The following LARGE1 variants were observed in gnomAD, a reference collection of about 807,000 sequenced individuals.
LARGE1 encodes the protein LARGE xylosyl- and glucuronyltransferase 1.
A neutral mutation model predicts 87.6 loss-of-function variants in LARGE1; 43 were observed. The ratio of observed to expected loss-of-function variants is 0.49; its 90% CI spans 0.38 to 0.63. LARGE1 has a LOEUF of 0.63. Ranked by LOEUF, LARGE1 falls within the 30% of genes least tolerant of loss-of-function variation. The pLI, the probability that LARGE1 is intolerant of heterozygous loss-of-function variation, is 0.00. For missense variants in LARGE1, 802 were observed against 1,000.2 expected, an observed-to-expected ratio of 0.80 and a Z score of 2.67; for synonymous variants, 434 against 394.6, an observed-to-expected ratio of 1.10 and a Z score of -1.18.
chr22:33,795,410 A>T (rs1439174524), intron 1 of LARGE1, among the ~76,000 whole-genome samples: 1 of 152,192 alleles, frequency 6.6e-6, no homozygotes, highest in Non-Finnish European at 1.5e-5. Flanking sequence ...GGATCTATGT[A>T]TAAGAAGTTT....
chr22:33,582,020 C>T (rs2078535558), intron 5 of LARGE1, among the ~76,000 whole-genome samples: 1 of 152,130 alleles, frequency 6.6e-6, no homozygotes, highest in South Asian at 2.1e-4. Context: ...TCAGCACCTG[C>T]CTAGAGCGTG....
At chr22:33,567,271 G>C (rs989545231) in intron 5 of LARGE1, among the ~76,000 whole-genome samples, 1 of 152,148 alleles carries the variant, frequency 6.6e-6, no homozygotes, top group African/African-American at 2.4e-5. Flanking sequence ...TGGTAAAATG[G>C]AGACGATGCC....
At chr22:33,738,734 A>G (rs145515190) in intron 2 of LARGE1, among the ~76,000 whole-genome samples, 1,784 of 152,044 alleles carry the variant, frequency 0.012, 35 homozygotes, top group African/African-American at 0.04. Context: ...AGTCCCAGCT[A>G]CTTGGGAGGC....
intron 1 of LARGE1, among the ~76,000 whole-genome samples, chr22:33,890,639 C>T (rs757472818): frequency 1.3e-5 from 2 of 152,086 alleles, no homozygotes; most frequent in Non-Finnish European, 2.9e-5. Context: ...ATAATGCTGT[C>T]AAGGTTTAAA....
rs1014506273 is a variant in LARGE1, at chr22:33,816,639, G to C, written c.-82-55081C>G. Reference sequence around the variant, plus strand: ...TAGCAGGCAGGCAGGCGGGAGGGCGGGTGGACATACAGACAGACGGATGCA... The same window carrying C: ...TAGCAGGCAGGCAGGCGGGAGGGCGCGTGGACATACAGACAGACGGATGCA... On this transcript the variant is annotated intron_variant, in intron 1 of 14. Transcript: ENST00000397394. Among the ~76,000 whole-genome samples the C allele has an allele frequency of 5.3e-5, 8 of 151,910 alleles. No homozygotes were observed. In the East Asian group the frequency reaches 1.5e-3, roughly 29 times the overall value.
the LARGE1 span, among the ~76,000 whole-genome samples, chr22:33,134,447 C>T: frequency 1.3e-5 from 2 of 152,036 alleles, no homozygotes; most frequent in South Asian, 2.1e-4. Flanking sequence ...TTAGTAGAGA[C>T]GGGATTTCAC....
chr22:33,787,452 A>C (rs1376848180), intron 1 of LARGE1, among the ~76,000 whole-genome samples: 1 of 152,130 alleles, frequency 6.6e-6, no homozygotes, highest in Non-Finnish European at 1.5e-5. Context: ...TCTACATTTG[A>C]CACCTGATAT....
intron 4 of LARGE1, among the ~76,000 whole-genome samples, chr22:33,620,440 T>A (rs2079712242): frequency 6.6e-6 from 1 of 152,116 alleles, no homozygotes; most frequent in Non-Finnish European, 1.5e-5. Flanking sequence ...TCACAGGCAT[T>A]CCCCCCAATT....
intron 5 of LARGE1, chr22:33,572,056 C>T (rs192420420): frequency 4.2e-6 from 2 of 472,196 alleles, no homozygotes; most frequent in African/African-American, 2.1e-5. Flanking sequence ...GTATATCCTG[C>T]TTCCTTCCTA....
In LARGE1 at chr22:33,794,449, G is replaced by A. The variant is rs116801124; in HGVS notation, c.-82-32891C>T. 1.9e-3 allele frequency among the ~76,000 whole-genome samples: 296 copies of A among 152,290 alleles called. 1 individual carries two copies. The highest frequency in any genetic ancestry group is 6.9e-3 in the African/African-American group (285 of 41,560). On this transcript the variant is annotated intron_variant, in intron 1 of 14. Transcript: ENST00000397394. ...AGGAGCAAGAAGGCAGCAAATACCA[G>A]AAGCCAGGCAACTGTCAGGGTGAAG... is the stretch of plus-strand genomic sequence containing the variant.
intron 11 of LARGE1, among the ~76,000 whole-genome samples, chr22:33,250,952 GTTTTC>G (rs1926986042): frequency 6.6e-6 from 1 of 152,178 alleles, no homozygotes; most frequent in African/African-American, 2.4e-5. Context: ...TTGGTCTGTA[GTTTTC>G]TTTTCTTGTA....
At chr22:33,640,129 G>A (rs2080384365) in intron 3 of LARGE1, among the ~76,000 whole-genome samples, 1 of 152,170 alleles carries the variant, frequency 6.6e-6, no homozygotes, top group Non-Finnish European at 1.5e-5. Flanking sequence ...GAACCAAAAA[G>A]CGCTGTGATG....
intron 1 of LARGE1, among the ~76,000 whole-genome samples, chr22:33,766,145 C>T (rs927073510): frequency 2.6e-5 from 4 of 152,142 alleles, no homozygotes; most frequent in South Asian, 2.1e-4. Flanking sequence ...AATTACATCA[C>T]GAACATGTGC....
At chr22:33,115,250 T>A in the LARGE1 span, among the ~76,000 whole-genome samples, 1 of 152,070 alleles carries the variant, frequency 6.6e-6, no homozygotes, top group African/African-American at 2.4e-5. Flanking sequence ...TATGCAGACA[T>A]GAGAAGTGGG....
chr22:33,246,269 T>C (rs1056184289), intron 11 of LARGE1, among the ~76,000 whole-genome samples: 2 of 152,184 alleles, frequency 1.3e-5, no homozygotes, highest in African/African-American at 2.4e-5. Context: ...AACCCCACCA[T>C]ACTAGTCAAA....
intron 2 of LARGE1, among the ~76,000 whole-genome samples, chr22:33,745,650 G>C (rs921267201): frequency 1.3e-5 from 2 of 152,300 alleles, no homozygotes. Flanking sequence ...CCCGGTTCTC[G>C]CTACTGCTTG....
intron 1 of LARGE1, among the ~76,000 whole-genome samples, chr22:33,836,797 GA>G (rs11411468): frequency 0.016 from 2,176 of 139,742 alleles, 31 homozygotes; most frequent in African/African-American, 0.038. Flanking sequence ...TACCTTACTG[GA>G]AAAAAAAAAA....
chr22:33,168,754 T>A (rs865792297), intron 11 of LARGE1, among the ~76,000 whole-genome samples: 4 of 152,234 alleles, frequency 2.6e-5, no homozygotes, highest in Non-Finnish European at 4.4e-5. Context: ...ATTCTTATGT[T>A]CCTGATCTTT....
intron 2 of LARGE1, among the ~76,000 whole-genome samples, chr22:33,748,805 G>C (rs2084200417): frequency 6.6e-6 from 1 of 152,326 alleles, no homozygotes; most frequent in South Asian, 2.1e-4. Context: ...TCACAAGGAA[G>C]TGCCAGTGCA....
Sources: allele counts gnomAD v4.1 joint callset (sites outside exome capture counted in the v4.1 genomes callset), GRCh38; gene constraint gnomAD v4.1.1; transcripts MANE v1.5; gene names NCBI Gene and HGNC (gene_info 2026-07-23, HGNC 2026-07-21).